RBMXL2: variants seen among roughly 807,000 people sequenced by gnomAD.
RBMXL2 encodes the protein RBMX like 2, also known as RNA-binding motif protein, X-linked-like-2.
In RBMXL2, 2 loss-of-function variants were observed where a neutral mutation model predicts 1.0. The ratio of observed to expected loss-of-function variants is 2.05; its 90% CI spans 0.84 to 6.44. RBMXL2 has a LOEUF of 6.44. Among genes scored for constraint, RBMXL2 ranks in the 30% most tolerant of loss-of-function variants. RBMXL2 has a pLI of 0.05. For missense variants in RBMXL2, 658 were observed against 608.5 expected (o/e 1.08, Z -0.85); for synonymous variants, 313 against 267.9 (o/e 1.17, Z -1.64).
chr11:7,089,719 C>G lies in RBMXL2; in HGVS notation c.599C>G (p.Pro200Arg). 1.3e-6 allele frequency: 2 copies of G among 1,529,118 alleles called. No individual in the cohort carries two copies. Among genetic ancestry groups the G allele is most frequent in the Non-Finnish European group, 1.8e-6 (2 of 1,141,684 alleles). The allele number at this position is 1,529,118 out of a possible 1,614,324, so 94.7% of individuals were successfully genotyped here. A position where few individuals can be genotyped will look rare whatever the true frequency, so the allele number is the denominator to read the frequency against. ...YSGPPRREPL[P>R]PRRDPYLGPR... ...GGCCCACCGCGCCGGGAGCCGCTGC[C>G]CCCGCGCCGCGACCCCTACCTGGGC... The change falls in exon 1 of 1, where the codon CCC (proline) becomes CGC (arginine). Residue 200 changes from proline (P) to arginine (R), a missense_variant. Transcript: ENST00000306904.
At position 7,089,064 on chromosome 11, in the gene RBMXL2, G is replaced by T; in HGVS notation, c.-57G>T. 1 of 1,572,974 alleles carries T rather than the reference G, an allele frequency of 6.4e-7. No homozygotes were observed. Among genetic ancestry groups the T allele is most frequent in the East Asian group, 2.3e-5 (1 of 43,544 alleles). Reference sequence around the variant, plus strand: ...CTCGACGAGCGAGCTCGAAGGCTGCGACTGGCGCCGCCTCACCGCCTCCCA... The same window carrying T: ...CTCGACGAGCGAGCTCGAAGGCTGCTACTGGCGCCGCCTCACCGCCTCCCA... On this transcript the variant is annotated 5_prime_UTR_variant, in exon 1 of 1. Coordinates refer to ENST00000306904, the MANE Select transcript of RBMXL2 (RefSeq NM_014469.5).
At position 7,091,001 on chromosome 11, in the gene RBMXL2, T is replaced by C. The variant is rs1853121384; in HGVS notation, c.*702T>C. The C allele has an allele frequency of 6.0e-6, 1 of 167,180 alleles. No individual in the cohort carries two copies. The highest frequency in any genetic ancestry group is 1.5e-5 in the Non-Finnish European group (1 of 68,198). The allele number at this position is 167,180 out of a possible 1,614,324, so 10.4% of individuals were successfully genotyped here. A position where few individuals can be genotyped will look rare whatever the true frequency, so the allele number is the denominator to read the frequency against. ...TTTTGAACAACAGTGGAATACTATA[T>C]CAAAGGTTTGGCCAACCAACCACAA... On this transcript the variant is annotated 3_prime_UTR_variant, in exon 1 of 1. Coordinates refer to ENST00000306904, the MANE Select transcript of RBMXL2 (RefSeq NM_014469.5).
chr11:7,089,534 C>T lies in RBMXL2; in HGVS notation c.414C>T (p.Asp138=), dbSNP rs1853087508. Reference sequence around the variant, plus strand: ...ACGGCGGCTACACGGCGGATTTCGACCTGCGGCCCTCCAGGGCCCCGATGC... The same window carrying T: ...ACGGCGGCTACACGGCGGATTTCGATCTGCGGCCCTCCAGGGCCCCGATGC... ...DDDGGYTADF[D]LRPSRAPMPM... The change falls in exon 1 of 1, where the codon GAC becomes GAT. Residue 138 remains aspartate (D), a synonymous_variant. Transcript: ENST00000306904. 8.3e-7 allele frequency: 1 copy of T among 1,207,610 alleles called. No homozygotes were observed. Among genetic ancestry groups the T allele is most frequent in the Non-Finnish European group, 1.0e-6 (1 of 972,302 alleles). 74.8% of individuals were successfully genotyped at this position (1,207,610 alleles called of 1,614,324 possible).
In RBMXL2 at chr11:7,090,109, A is replaced by G. The variant is rs530696486; in HGVS notation, c.989A>G (p.Tyr330Cys). ...SGGRDSYSSS[Y>C]GRSDRYSRGR... ...GGCCGCGACAGTTACAGCAGCAGTT[A>G]TGGCCGGAGCGACCGCTACTCGAGG... Residue 330 changes from tyrosine to cysteine, a missense_variant, in exon 1 of 1, where the codon TAT becomes TGT. Tyr to Cys is a radical substitution (Grantham distance 194). Transcript: ENST00000306904. 3.7e-6 allele frequency: 6 copies of G among 1,612,346 alleles called. No individual in the cohort carries two copies. The highest frequency in any genetic ancestry group is 2.2e-5 in the South Asian group (2 of 91,056).
At position 7,089,880 on chromosome 11, in the gene RBMXL2, T is replaced by C. The variant is rs1162268159; in HGVS notation, c.760T>C (p.Leu254=). 39 of 1,612,666 alleles carry C rather than the reference T, an allele frequency of 2.4e-5. No individual in the cohort carries two copies. Among genetic ancestry groups the C allele is most frequent in the Non-Finnish European group, 3.1e-5 (37 of 1,179,922 alleles). Reference sequence around the variant, plus strand: ...CTCCAGTGTCCGGGACGACTGTCCCTTGAGAGGCTACAGCGACCGAGACGG... The same window carrying C: ...CTCCAGTGTCCGGGACGACTGTCCCCTGAGAGGCTACAGCGACCGAGACGG... ...GHSSVRDDCP[L]RGYSDRDGYG... The change falls in exon 1 of 1, where the codon TTG becomes CTG. Residue 254 remains leucine, a synonymous_variant. Transcript: ENST00000306904.
chr11:7,089,456 C>T lies in RBMXL2; in HGVS notation c.336C>T (p.Arg112=), dbSNP rs1334181264. The change falls in exon 1 of 1, where the codon CGC becomes CGT. Residue 112 remains arginine, a synonymous_variant. Transcript: ENST00000306904. ...GCCCGAGGTTCCTGCGCGGAACCCG[C>T]GGGGGTGGCGGCGGCCCGCGGCGTT... ...RGRPRFLRGT[R]GGGGGPRRSP... is the part of the protein sequence containing the mutation. 3 of 1,334,324 alleles carry T rather than the reference C, an allele frequency of 2.2e-6. No individual in the cohort carries two copies. Among genetic ancestry groups the T allele is most frequent in the African/African-American group, 1.6e-5 (1 of 63,576 alleles). 82.7% of individuals were successfully genotyped at this position (1,334,324 alleles called of 1,614,324 possible).
rs754001222 is a variant in RBMXL2, at chr11:7,089,353, C to T, written c.233C>T (p.Ala78Val). 14 of 1,606,868 alleles carry T rather than the reference C, an allele frequency of 8.7e-6. No individual in the cohort carries two copies. Among genetic ancestry groups the T allele is most frequent in the Non-Finnish European group, 1.2e-5 (14 of 1,176,824 alleles). The change falls in exon 1 of 1, where the codon GCC becomes GTC. Residue 78 changes from alanine to valine, a missense_variant. Physicochemically the swap from Ala to Val is moderately conservative, Grantham distance 64. Transcript: ENST00000306904. ...AACGGCAAGTCCCTGGATGGTAAGG[C>T]CATCAAGGTGGCCCAGGCCACCAAA... ...DMNGKSLDGK[A>V]IKVAQATKPA... is the part of the protein sequence containing the mutation.
In RBMXL2 at chr11:7,089,080, C is replaced by G. The variant is rs562210421; in HGVS notation, c.-41C>G. On this transcript the variant is annotated 5_prime_UTR_variant, in exon 1 of 1. Transcript: ENST00000306904. ...GAAGGCTGCGACTGGCGCCGCCTCA[C>G]CGCCTCCCACCGCCACTGACCGACC... is the stretch of plus-strand genomic sequence containing the variant. 419 of 1,595,778 alleles carry G rather than the reference C, an allele frequency of 2.6e-4. 7 individuals carry two copies. The South Asian group carries it at 2.9e-3, about 11-fold the overall frequency.
Position 7,089,063 on chromosome 11 carries a change from C to G in RBMXL2, c.-58C>G. On this transcript the variant is annotated 5_prime_UTR_variant, in exon 1 of 1. Coordinates refer to ENST00000306904, the MANE Select transcript of RBMXL2 (RefSeq NM_014469.5). ...CCTCGACGAGCGAGCTCGAAGGCTG[C>G]GACTGGCGCCGCCTCACCGCCTCCC... 1 of 1,567,656 alleles carries G rather than the reference C, an allele frequency of 6.4e-7. No homozygotes were observed. The highest frequency in any genetic ancestry group is 1.7e-4 in the Middle Eastern group (1 of 5,994).
Position 7,089,201 on chromosome 11 carries a change from G to A in RBMXL2, c.81G>A (p.Glu27=). ...LETDEKALEA[E]FGKYGRIVEV... ...CCGACGAGAAAGCCCTCGAAGCCGA[G>A]TTTGGCAAGTATGGCCGCATCGTCG... The change falls in exon 1 of 1, where the codon GAG becomes GAA. Residue 27 remains glutamate (E), a synonymous_variant. Coordinates refer to ENST00000306904, the MANE Select transcript of RBMXL2 (RefSeq NM_014469.5). 1 of 1,613,906 alleles carries A rather than the reference G, an allele frequency of 6.2e-7. No individual in the cohort carries two copies.
chr11:7,089,733 C>G lies in RBMXL2; in HGVS notation c.613C>G (p.Pro205Ala), dbSNP rs945283584. ...RREPLPPRRD[P>A]YLGPRDEGYS... ...GGAGCCGCTGCCCCCGCGCCGCGAC[C>G]CCTACCTGGGCCCGCGGGATGAGGG... Residue 205 changes from proline (P) to alanine (A), a missense_variant, in exon 1 of 1, where the codon CCC becomes GCC. Physicochemically the swap from Pro to Ala is conservative, Grantham distance 27. Coordinates refer to ENST00000306904, the MANE Select transcript of RBMXL2 (RefSeq NM_014469.5). The G allele has an allele frequency of 1.3e-6, 2 of 1,543,468 alleles. No individual in the cohort carries two copies. Among genetic ancestry groups the G allele is most frequent in the Non-Finnish European group, 1.7e-6 (2 of 1,150,390 alleles).
chr11:7,089,873 C>A lies in RBMXL2; in HGVS notation c.753C>A (p.Asp251Glu). The change falls in exon 1 of 1, where the codon GAC becomes GAA. Residue 251 changes from aspartate (D) to glutamate (E), a missense_variant. Transcript: ENST00000306904. The stretch of plus-strand genomic sequence containing the variant: ...ACGGCCACTCCAGTGTCCGGGACGA[C>A]TGTCCCTTGAGAGGCTACAGCGACC... ...RDYGHSSVRD[D>E]CPLRGYSDRD... is the part of the protein sequence containing the mutation. 6.2e-7 allele frequency: 1 copy of A among 1,612,904 alleles called. No homozygotes were observed. Among genetic ancestry groups the A allele is most frequent in the Non-Finnish European group, 8.5e-7 (1 of 1,179,964 alleles).
rs2119493843 is a variant in RBMXL2 at position 7,090,216 on chromosome 11, A to G, written c.1096A>G (p.Ser366Gly). 2 of 1,612,176 alleles carry G rather than the reference A, an allele frequency of 1.2e-6. No homozygotes were observed. Among genetic ancestry groups the G allele is most frequent in the Non-Finnish European group, 1.7e-6 (2 of 1,179,312 alleles). Residue 366 changes from serine (S) to glycine (G), a missense_variant, in exon 1 of 1, where the codon AGC becomes GGC. Physicochemically the swap from Ser to Gly is moderately conservative, Grantham distance 56. Coordinates refer to ENST00000306904, the MANE Select transcript of RBMXL2 (RefSeq NM_014469.5). ...CTGCCCTCCCCAGCGTGATTCTTAC[A>G]GCCGGTCAGGCTGCAGGGTGCCCAG... ...RGCPPQRDSYSRSGCRVPRGG... is the reference protein window; with the variant it reads ...RGCPPQRDSYGRSGCRVPRGG...
rs973584652 is a variant in RBMXL2, at chr11:7,090,722, G to A, written c.*423G>A. 6 of 276,790 alleles carry A rather than the reference G, an allele frequency of 2.2e-5. No homozygotes were observed. Among genetic ancestry groups the A allele is most frequent in the African/African-American group, 1.1e-4 (5 of 44,098 alleles). 17.1% of individuals were successfully genotyped at this position (276,790 alleles called of 1,614,324 possible). A position where few individuals can be genotyped will look rare whatever the true frequency, so the allele number is the denominator to read the frequency against. Reference sequence around the variant, plus strand: ...CTAGATTTTGGGTGGAGAGTGGGAGGGATTGGTGTATGCTACTCTTAAGAT... The same window carrying A: ...CTAGATTTTGGGTGGAGAGTGGGAGAGATTGGTGTATGCTACTCTTAAGAT... On this transcript the variant is annotated 3_prime_UTR_variant, in exon 1 of 1. Transcript: ENST00000306904.
chr11:7,090,263 C>T lies in RBMXL2; in HGVS notation c.1143C>T (p.Gly381=). The T allele has an allele frequency of 1.9e-6, 3 of 1,607,212 alleles. No individual in the cohort carries two copies. Among genetic ancestry groups the T allele is most frequent in the African/African-American group, 1.3e-5 (1 of 74,946 alleles). The change falls in exon 1 of 1, where the codon GGC becomes GGT. Residue 381 remains glycine, a synonymous_variant. Coordinates refer to ENST00000306904, the MANE Select transcript of RBMXL2 (RefSeq NM_014469.5). ...CCAGGGGCGGAGGCCGTCTAGGAGG[C>T]CGCTTGGAGAGAGGAGGAGGCCGGA... ...RVPRGGGRLG[G]RLERGGGRSR...
At position 7,089,597 on chromosome 11, in the gene RBMXL2, A is replaced by AC; in HGVS notation, c.483dup (p.Lys162GlnfsTer51). 2.5e-6 allele frequency: 3 copies of AC among 1,185,998 alleles called. No homozygotes were observed. The highest frequency in any genetic ancestry group is 3.1e-6 in the Non-Finnish European group (3 of 959,850). 73.5% of individuals were successfully genotyped at this position (1,185,998 alleles called of 1,614,324 possible). ...GGCCGCCGCCGCGCAGGGTCGGCCCACCCCCCAAGAGGGCCGCGCCGTCGG... is the reference window on the plus strand; with the variant it reads ...GGCCGCCGCCGCGCAGGGTCGGCCCACCCCCCCAAGAGGGCCGCGCCGTCGG... On this transcript the variant is annotated frameshift_variant, in exon 1 of 1. Transcript: ENST00000306904. LOFTEE classifies it low-confidence loss of function (END_TRUNC).
Position 7,089,686 on chromosome 11 carries a change from G to A in RBMXL2, c.566G>A (p.Gly189Asp). The A allele has an allele frequency of 6.6e-7, 1 of 1,505,692 alleles. No individual in the cohort carries two copies. Among genetic ancestry groups the A allele is most frequent in the Non-Finnish European group, 8.9e-7 (1 of 1,128,728 alleles). 93.3% of individuals were successfully genotyped at this position (1,505,692 alleles called of 1,614,324 possible). The part of the protein sequence containing the change: ...GRALAVRGRD[G>D]YSGPPRREPL... ...GCCCTGGCCGTGCGGGGGCGAGACG[G>A]CTACTCAGGCCCACCGCGCCGGGAG... The change falls in exon 1 of 1, where the codon GGC becomes GAC. Residue 189 changes from glycine to aspartate, a missense_variant. Transcript: ENST00000306904.
In RBMXL2 at chr11:7,089,097, T is replaced by C; in HGVS notation, c.-24T>C. ...CCGCCTCACCGCCTCCCACCGCCACTGACCGACCGTTCGACCGGCAAACAT... is the reference window on the plus strand; with the variant it reads ...CCGCCTCACCGCCTCCCACCGCCACCGACCGACCGTTCGACCGGCAAACAT... On this transcript the variant is annotated 5_prime_UTR_variant, in exon 1 of 1. Coordinates refer to ENST00000306904, the MANE Select transcript of RBMXL2 (RefSeq NM_014469.5). The C allele has an allele frequency of 6.2e-7, 1 of 1,608,278 alleles. No homozygotes were observed. The highest frequency in any genetic ancestry group is 8.5e-7 in the Non-Finnish European group (1 of 1,176,940).
Position 7,090,026 on chromosome 11 carries a change from C to CGGA in RBMXL2, c.915_917dup (p.Gly306dup), listed in dbSNP as rs747271564. On this transcript the variant is annotated inframe_insertion, in exon 1 of 1. Transcript: ENST00000306904. Reference sequence around the variant, plus strand: ...CAGGACGGGGGACACCGCCATCTTACGGAGGAGGAGGCCGCTACGAGGAGT... The same window carrying CGGA: ...CAGGACGGGGGACACCGCCATCTTACGGAGGAGGAGGAGGCCGCTACGAGGAGT... 2.5e-6 allele frequency: 4 copies of CGGA among 1,613,086 alleles called. No individual in the cohort carries two copies. The South Asian group carries it at 4.4e-5, about 18-fold the overall frequency.
Sources: allele counts gnomAD v4.1 joint callset, GRCh38; gene constraint gnomAD v4.1.1; transcripts MANE v1.5; gene names NCBI Gene and HGNC (gene_info 2026-07-23, HGNC 2026-07-21).